The following UBN1 variants were observed in gnomAD, a reference collection of about 807,000 sequenced individuals.
UBN1 encodes the protein ubinuclein-1.
In UBN1, 17 loss-of-function variants were observed where a neutral mutation model predicts 108.5. The observed-to-expected ratio is 0.16, with a 90% CI of 0.11 to 0.24. The LOEUF is 0.24. Ranked by LOEUF, UBN1 falls within the 10% of genes least tolerant of loss-of-function variation. UBN1 has a pLI of 1.00. For missense variants in UBN1, 1,595 were observed against 1,394.4 expected (o/e 1.14, Z -2.29); for synonymous variants, 726 against 564.2 (o/e 1.29, Z -4.07).
chr16:4,853,185 A>C lies in UBN1; in HGVS notation c.249+19A>C. ...AGATAAGGTACACCCCTTTGTTCCCAGAGGCGCTGCAGGTTTAACGCACAG... is the reference window on the plus strand; with the variant it reads ...AGATAAGGTACACCCCTTTGTTCCCCGAGGCGCTGCAGGTTTAACGCACAG... On this transcript the variant is annotated intron_variant, in intron 2 of 17. Transcript: ENST00000262376. 1 of 1,613,088 alleles carries C rather than the reference A, an allele frequency of 6.2e-7. No individual in the cohort carries two copies. The highest frequency in any genetic ancestry group is 8.5e-7 in the Non-Finnish European group (1 of 1,179,756).
In UBN1 at chr16:4,870,226, C is replaced by G; in HGVS notation, c.1196C>G (p.Thr399Ser). Residue 399 changes from threonine to serine, a missense_variant, in exon 9 of 18, where the codon ACT becomes AGT. Physicochemically the swap from Thr to Ser is moderately conservative, Grantham distance 58 (BLOSUM62 1). Around this residue, in one of 3 missense-constraint regions of UBN1, gnomAD observed 1,398 missense variants for 1,194.7 expected, o/e 1.17. Transcript: ENST00000262376. Reference protein sequence around the residue: ...NGILLDIEAQTRELSSQVRSG... With the variant: ...NGILLDIEAQSRELSSQVRSG... ...TTGTTCTTCAGCATAGAGGCGCAGA[C>G]TCGGGAGCTGAGCAGTCAGGTCCGC... 6.2e-7 allele frequency: 1 copy of G among 1,614,236 alleles called. No homozygotes were observed. Among genetic ancestry groups the G allele is most frequent in the African/African-American group, 1.3e-5 (1 of 75,050 alleles).
rs773370430 is a variant in UBN1 at position 4,874,370 on chromosome 16, C to T, written c.1960C>T (p.Pro654Ser). ...QASGGLANPPPVNLEDSLDED... is the reference protein window; with the variant it reads ...QASGGLANPPSVNLEDSLDED... ...ATCGGGCGGCCTTGCTAACCCTCCT[C>T]CTGTCAACCTGGAGGACTCATTGGA... The change falls in exon 15 of 18, where the codon CCT becomes TCT. Residue 654 changes from proline to serine, a missense_variant. By Grantham distance (74) the Pro-to-Ser change is moderately conservative. Coordinates refer to ENST00000262376, the MANE Select transcript of UBN1 (RefSeq NM_001079514.3). The T allele has an allele frequency of 2.5e-6, 4 of 1,614,020 alleles. No homozygotes were observed. Among genetic ancestry groups the T allele is most frequent in the Non-Finnish European group, 3.4e-6 (4 of 1,180,038 alleles).
intron 17 of UBN1, among the ~76,000 whole-genome samples, chr16:4,878,487 G>T (rs1596533604): frequency 6.6e-6 from 1 of 152,164 alleles, no homozygotes; most frequent in East Asian, 1.9e-4. Flanking sequence ...AACACCAGAG[G>T]CCATATGGGG....
At chr16:4,868,751 G>A (rs568030298) in intron 7 of UBN1, 82 bp from the exon 8 acceptor site, 191 of 1,377,848 alleles carry the variant, frequency 1.4e-4, no homozygotes, top group Non-Finnish European at 1.3e-4. Flanking sequence ...TTTATGGAGC[G>A]ATGACTCCTG....
At chr16:4,863,050 CTT>C (rs935667012) in intron 7 of UBN1, among the ~76,000 whole-genome samples, 5 of 152,132 alleles carry the variant, frequency 3.3e-5, no homozygotes, top group African/African-American at 1.2e-4. Flanking sequence ...CATTAAGAAA[CTT>C]TGAAAAATGG....
At position 4,860,021 on chromosome 16, in the gene UBN1, A is replaced by G. The variant is rs1263521539; in HGVS notation, c.671+53A>G. 1.9e-6 allele frequency: 3 copies of G among 1,605,354 alleles called. No homozygotes were observed. The East Asian group carries it at 6.7e-5, about 36-fold the overall frequency. On this transcript the variant is annotated intron_variant, in intron 6 of 17. Transcript: ENST00000262376. ...ATAAAGCCTGAACTGTTAGGGCAGGACGACTGGGAGCTGACTCACCTCCTC... is the reference window on the plus strand; with the variant it reads ...ATAAAGCCTGAACTGTTAGGGCAGGGCGACTGGGAGCTGACTCACCTCCTC...
intron 7 of UBN1, among the ~76,000 whole-genome samples, chr16:4,863,704 A>G (rs1416509804): frequency 6.6e-6 from 1 of 152,162 alleles, no homozygotes; most frequent in Non-Finnish European, 1.5e-5. Flanking sequence ...ACTGTCTGCA[A>G]AACACCCCCC....
At position 4,880,079 on chromosome 16, in the gene UBN1, C is replaced by A; in HGVS notation, c.3356-4C>A. Reference sequence around the variant, plus strand: ...GCGTTCTAATTTTTCTTACTCTTTTCCAGGTGCTTCTCAGCTTCACGGGAA... The same window carrying A: ...GCGTTCTAATTTTTCTTACTCTTTTACAGGTGCTTCTCAGCTTCACGGGAA... On this transcript the variant is annotated splice_region_variant and splice_polypyrimidine_tract_variant and intron_variant, in intron 17 of 17. Coordinates refer to ENST00000262376, the MANE Select transcript of UBN1 (RefSeq NM_001079514.3). 1 of 1,613,984 alleles carries A rather than the reference C, an allele frequency of 6.2e-7. No individual in the cohort carries two copies. Among genetic ancestry groups the A allele is most frequent in the Non-Finnish European group, 8.5e-7 (1 of 1,179,976 alleles).
chr16:4,862,668 C>T (rs1237934486), intron 7 of UBN1, among the ~76,000 whole-genome samples: 1 of 152,240 alleles, frequency 6.6e-6, no homozygotes, highest in Non-Finnish European at 1.5e-5. Flanking sequence ...AAACCAGATT[C>T]TTGGCTGTGT....
intron 17 of UBN1, among the ~76,000 whole-genome samples, chr16:4,879,215 TAAC>T (rs1278784996): frequency 6.6e-6 from 1 of 151,462 alleles, no homozygotes; most frequent in Non-Finnish European, 1.5e-5. Flanking sequence ...CTAATAACTC[TAAC>T]GTGACACTAC....
Position 4,880,876 on chromosome 16 carries a change from C to T in UBN1, c.*744C>T, listed in dbSNP as rs1387210574. The stretch of plus-strand genomic sequence containing the variant: ...ATCATATTATAGGAAGACATAATTC[C>T]AGTGCCTTTATGGTGGAGCAGAATT... On this transcript the variant is annotated 3_prime_UTR_variant, in exon 18 of 18. Transcript: ENST00000262376. 6.6e-6 allele frequency: 1 copy of T among 152,518 alleles called. No individual in the cohort carries two copies. The highest frequency in any genetic ancestry group is 1.5e-5 in the Non-Finnish European group (1 of 68,044). 9.4% of individuals were successfully genotyped at this position (152,518 alleles called of 1,614,324 possible).
chr16:4,858,636 C>T lies in UBN1; in HGVS notation c.405C>T (p.Ser135=), dbSNP rs757009649. The change falls in exon 4 of 18, where the codon TCC becomes TCT. Residue 135 remains serine, a synonymous_variant. Transcript: ENST00000262376. ...LIDMGYGYDE[S]DSFIDNSEAY... is the part of the protein sequence containing the mutation. ...ATATGGGGTATGGTTATGATGAATC[C>T]GACTCCTTCATCGATAACTCTGAGG... 3.1e-6 allele frequency: 5 copies of T among 1,613,912 alleles called. No homozygotes were observed. The African/African-American group carries it at 5.3e-5, about 17-fold the overall frequency.
At chr16:4,848,436 A>G (rs2086321076) in intron 1 of UBN1, 1 of 152,024 alleles carries the variant, frequency 6.6e-6, no homozygotes, top group African/African-American at 2.4e-5. Context: ...CCGATCACAG[A>G]CTCCACAGTG....
In UBN1 at chr16:4,858,618, G is replaced by A; in HGVS notation, c.387G>A (p.Gly129=). The A allele has an allele frequency of 1.9e-6, 3 of 1,614,204 alleles. No homozygotes were observed. The highest frequency in any genetic ancestry group is 2.5e-6 in the Non-Finnish European group (3 of 1,180,028). Residue 129 remains glycine (G), a synonymous_variant, in exon 4 of 18, where the codon GGG becomes GGA. Coordinates refer to ENST00000262376, the MANE Select transcript of UBN1 (RefSeq NM_001079514.3). ...GAATACAGGACTTGATCGATATGGGGTATGGTTATGATGAATCCGACTCCT... is the reference window on the plus strand; with the variant it reads ...GAATACAGGACTTGATCGATATGGGATATGGTTATGATGAATCCGACTCCT... The part of the protein sequence containing the change: ...KDRIQDLIDM[G]YGYDESDSFI...
rs2088057560 is a variant in UBN1 at position 4,880,914 on chromosome 16, TCCATTCAGCCCTCTGAA to T, written c.*783_*799del. 1 of 152,458 alleles carries T rather than the reference TCCATTCAGCCCTCTGAA, an allele frequency of 6.6e-6. No homozygotes were observed. Among genetic ancestry groups the T allele is most frequent in the African/African-American group, 2.4e-5 (1 of 41,408 alleles). The allele number at this position is 152,458 out of a possible 1,614,324, so 9.4% of individuals were successfully genotyped here. On this transcript the variant is annotated 3_prime_UTR_variant, in exon 18 of 18. Coordinates refer to ENST00000262376, the MANE Select transcript of UBN1 (RefSeq NM_001079514.3). ...GTGGAGCAGAATTCGACAACACATG[TCCATTCAGCCCTCTGAA>T]TGGATCTGAGACGAAGACCTTTTTA...
intron 7 of UBN1, among the ~76,000 whole-genome samples, chr16:4,861,543 C>T (rs1195163582): frequency 6.6e-6 from 1 of 152,226 alleles, no homozygotes; most frequent in African/African-American, 2.4e-5. Context: ...AGGTTTCAGT[C>T]GCTCCCTTGC....
In UBN1 at chr16:4,868,939, T is replaced by G. The variant is rs746098861; in HGVS notation, c.1181+36T>G. The G allele has an allele frequency of 1.0e-5, 16 of 1,601,928 alleles. No individual in the cohort carries two copies. In the East Asian group the frequency reaches 3.6e-4, roughly 36 times the overall value. ...TCTGTCTGTCTGTCTGTCTGTCTGT[T>G]TCTGCTATTACTGAGCTTGGGGCAA... is the stretch of plus-strand genomic sequence containing the variant. On this transcript the variant is annotated intron_variant, in intron 8 of 17. Transcript: ENST00000262376.
chr16:4,870,902 G>C lies in UBN1; in HGVS notation c.1489G>C (p.Glu497Gln). Residue 497 changes from glutamate (E) to glutamine (Q), a missense_variant, in exon 11 of 18, where the codon GAA (glutamate) becomes CAA (glutamine). By Grantham distance (29) the Glu-to-Gln change is conservative. This residue lies in a region of UBN1 where 1,398 missense variants were observed against 1,194.7 expected (regional missense o/e 1.17). Coordinates refer to ENST00000262376, the MANE Select transcript of UBN1 (RefSeq NM_001079514.3). ...QRDRICSDEE[E>Q]DEEKGGRRIM... ...GGACCGGATTTGTTCGGATGAGGAA[G>C]AAGATGAAGAAAAAGGGGGCAGGAG... is the stretch of plus-strand genomic sequence containing the variant. 1 of 1,614,146 alleles carries C rather than the reference G, an allele frequency of 6.2e-7. No homozygotes were observed. The highest frequency in any genetic ancestry group is 8.5e-7 in the Non-Finnish European group (1 of 1,180,008).
At chr16:4,858,871 C>T in intron 4 of UBN1, 154 bp from the exon 5 acceptor site, 1 of 1,105,190 alleles carries the variant, frequency 9.0e-7, no homozygotes. Context: ...TCCAAAACAC[C>T]TTGTAGCTCA....
Sources: gnomAD v4.1 joint callset for allele counts (sites outside exome capture counted in the v4.1 genomes callset) on GRCh38, gnomAD v4.1.1 for gene constraint, gnomAD v4.1.1 regional missense constraint, MANE v1.5 for transcripts, NCBI Gene and HGNC (gene_info 2026-07-23, HGNC 2026-07-21) for gene names.